SEMA3E: variants seen among roughly 807,000 people sequenced by gnomAD.
SEMA3E encodes semaphorin-3E.
A neutral mutation model predicts 93.6 loss-of-function variants in SEMA3E; 49 were observed. That is an observed-to-expected ratio of 0.52 (90% CI 0.42 to 0.66). The LOEUF is 0.66. Ranked by LOEUF, SEMA3E falls within the 30% of genes least tolerant of loss-of-function variation. The probability of loss-of-function intolerance (pLI) is 0.00; values close to 1 mark genes in which losing one functional copy is unlikely to be tolerated. For synonymous variants in SEMA3E, 363 were observed against 330.7 expected (o/e 1.10, Z -1.06); for missense variants, 906 against 964.8 (o/e 0.94, Z 0.81).
At chr7:83,583,636 T>C (rs1002089373) in intron 1 of SEMA3E, among the ~76,000 whole-genome samples, 1 of 152,164 alleles carries the variant, frequency 6.6e-6, no homozygotes, top group Non-Finnish European at 1.5e-5. Context: ...CAACCCCATT[T>C]TCTTGTCAGT....
intron 1 of SEMA3E, among the ~76,000 whole-genome samples, chr7:83,616,306 C>A (rs1339169443): frequency 6.6e-6 from 1 of 152,088 alleles, no homozygotes; most frequent in Non-Finnish European, 1.5e-5. Flanking sequence ...ATGCTATGTC[C>A]TATTTTGCAT....
intron 4 of SEMA3E, among the ~76,000 whole-genome samples, chr7:83,437,075 G>A (rs906396045): frequency 3.3e-5 from 5 of 152,050 alleles, no homozygotes; most frequent in Non-Finnish European, 5.9e-5. Context: ...GAAAAGGCCT[G>A]CTCCCATAAT....
At chr7:83,596,258 T>C (rs1307932585) in intron 1 of SEMA3E, among the ~76,000 whole-genome samples, 4 of 152,124 alleles carry the variant, frequency 2.6e-5, no homozygotes, top group Non-Finnish European at 5.9e-5. Flanking sequence ...ATCTTTTCTT[T>C]TCTGTCTTTT....
In SEMA3E at chr7:83,406,009, T is replaced by C. The variant is rs1584226009; in HGVS notation, c.864A>G (p.Leu288=). 1 of 1,613,482 alleles carries C rather than the reference T, an allele frequency of 6.2e-7. No individual in the cohort carries two copies. The highest frequency in any genetic ancestry group is 1.1e-5 in the South Asian group (1 of 91,074). The part of the protein sequence containing the change: ...RILVNKWSTF[L]KARLVCSVPG... ...GTACTGAGCAAACGAGTCTCGCTTT[T>C]AGGAAAGTGCTCCACTTATTCACCA... Residue 288 remains leucine (L), a synonymous_variant, in exon 8 of 17, where the codon CTA becomes CTG. Transcript: ENST00000643230.
intron 4 of SEMA3E, among the ~76,000 whole-genome samples, chr7:83,426,481 A>G (rs1247328415): frequency 1.3e-5 from 2 of 152,134 alleles, no homozygotes; most frequent in Non-Finnish European, 2.9e-5. Context: ...CAGGAAACCA[A>G]ATGTCACATG....
chr7:83,381,235 C>G (rs1265179706), intron 16 of SEMA3E, among the ~76,000 whole-genome samples: 2 of 151,968 alleles, frequency 1.3e-5, no homozygotes, highest in Non-Finnish European at 2.9e-5. Context: ...CCTGCGTGAG[C>G]TTTTCCTTGA....
At chr7:83,479,514 T>A (rs1401577976) in intron 2 of SEMA3E, among the ~76,000 whole-genome samples, 2 of 152,236 alleles carry the variant, frequency 1.3e-5, no homozygotes, top group African/African-American at 4.8e-5. Flanking sequence ...TATCCCTCAC[T>A]TTCTATGGTA....
At chr7:83,384,922 T>A (rs1787848946) in intron 16 of SEMA3E, among the ~76,000 whole-genome samples, 1 of 152,130 alleles carries the variant, frequency 6.6e-6, no homozygotes, top group East Asian at 1.9e-4. Context: ...ATAATTAAGT[T>A]TTGCTATTTC....
chr7:83,488,530 C>G (rs985321819), intron 2 of SEMA3E, among the ~76,000 whole-genome samples: 5 of 152,126 alleles, frequency 3.3e-5, no homozygotes, highest in African/African-American at 1.2e-4. Flanking sequence ...AATTCTGAAG[C>G]AAGTGGTTTC....
chr7:83,447,648 T>A (rs1789261875), intron 4 of SEMA3E, among the ~76,000 whole-genome samples: 4 of 152,120 alleles, frequency 2.6e-5, no homozygotes, highest in Non-Finnish European at 5.9e-5. Context: ...TTACTCCAAC[T>A]GCAAAATAGA....
chr7:83,459,669 G>A (rs965027304), intron 4 of SEMA3E, among the ~76,000 whole-genome samples: 5 of 152,106 alleles, frequency 3.3e-5, no homozygotes, highest in Admixed American at 2.0e-4. Context: ...TATGCTAATT[G>A]TCAGGCCTCT....
intron 1 of SEMA3E, among the ~76,000 whole-genome samples, chr7:83,575,090 G>A (rs1353220162): frequency 1.3e-5 from 2 of 151,904 alleles, no homozygotes; most frequent in African/African-American, 4.8e-5. Flanking sequence ...TTCAGAATTG[G>A]TGACTATTTC....
intron 5 of SEMA3E, among the ~76,000 whole-genome samples, chr7:83,414,784 GT>G (rs934679882): frequency 8.7e-4 from 132 of 151,960 alleles, no homozygotes; most frequent in Non-Finnish European, 1.3e-3. Context: ...AAATCAGGGT[GT>G]TTTTTTCCCC....
chr7:83,442,666 T>A (rs1789139787), intron 4 of SEMA3E, among the ~76,000 whole-genome samples: 1 of 152,156 alleles, frequency 6.6e-6, no homozygotes, highest in South Asian at 2.1e-4. Flanking sequence ...GGTTTTGTTT[T>A]GTTTTGTTTT....
At chr7:83,468,702 G>A (rs976755506) in intron 3 of SEMA3E, among the ~76,000 whole-genome samples, 1 of 152,178 alleles carries the variant, frequency 6.6e-6, no homozygotes, top group African/African-American at 2.4e-5. Flanking sequence ...GTTAGGGACT[G>A]TGTCTGGGTG....
At chr7:83,468,914 C>G (rs1014119730) in intron 3 of SEMA3E, among the ~76,000 whole-genome samples, 1 of 151,964 alleles carries the variant, frequency 6.6e-6, no homozygotes, top group Admixed American at 6.6e-5. Flanking sequence ...ATGTGCTTAA[C>G]TGTTCCTAGA....
intron 5 of SEMA3E, among the ~76,000 whole-genome samples, chr7:83,417,300 A>G (rs1788572525): frequency 6.6e-6 from 1 of 152,046 alleles, no homozygotes; most frequent in Admixed American, 6.6e-5. Context: ...TAGGGAATAG[A>G]ATGCAAGACC....
At chr7:83,464,864 C>T (rs900787367) in intron 4 of SEMA3E, among the ~76,000 whole-genome samples, 1 of 149,712 alleles carries the variant, frequency 6.7e-6, no homozygotes, top group Non-Finnish European at 1.5e-5. Context: ...CTCCATACCA[C>T]CCCCCAAAAA....
chr7:83,596,250 C>A (rs1381590648), intron 1 of SEMA3E, among the ~76,000 whole-genome samples: 1 of 151,870 alleles, frequency 6.6e-6, no homozygotes, highest in Non-Finnish European at 1.5e-5. Context: ...TGACATCCAT[C>A]TTTTCTTTTC....
Sources: allele counts gnomAD v4.1 joint callset (sites outside exome capture counted in the v4.1 genomes callset), GRCh38; gene constraint gnomAD v4.1.1; transcripts MANE v1.5; gene names NCBI Gene and HGNC (gene_info 2026-07-23, HGNC 2026-07-21).